Variants in ROCK2 observed in about 807,000 individuals in gnomAD.
The protein encoded by ROCK2 is Rho associated coiled-coil containing protein kinase 2.
Under a neutral mutation model 195.1 loss-of-function variants are expected in ROCK2, and 61 were observed. The ratio of observed to expected loss-of-function variants is 0.31; its 90% confidence interval spans 0.25 to 0.39. ROCK2 has a LOEUF of 0.39. Among genes scored for constraint, ROCK2 ranks in the 10% least tolerant of loss-of-function variants. The pLI is 1.00. For missense variants in ROCK2, 1,109 were observed against 1,637.4 expected (o/e 0.68, Z 5.57); for synonymous variants, 504 against 545.5 (o/e 0.92, Z 1.06).
chr2:11,260,227 C>A (rs1666176101), intron 3 of ROCK2, among the ~76,000 whole-genome samples: 1 of 150,972 alleles, frequency 6.6e-6, no homozygotes, highest in African/African-American at 2.5e-5. Context: ...GCAGGTGTAT[C>A]ATCTGAGGTC....
intron 1 of ROCK2, among the ~76,000 whole-genome samples, chr2:11,343,436 T>G (rs1412830402): frequency 6.6e-6 from 1 of 152,172 alleles, no homozygotes; most frequent in East Asian, 1.9e-4. Flanking sequence ...GGAATTAAAT[T>G]TACAGCAATT....
chr2:11,323,814 T>G (rs879420690), intron 1 of ROCK2, among the ~76,000 whole-genome samples: 4 of 152,130 alleles, frequency 2.6e-5, no homozygotes, highest in Non-Finnish European at 2.9e-5. Flanking sequence ...ATACGTTTGT[T>G]ACAACTAACA....
At chr2:11,276,094 C>A (rs1278876142) in intron 3 of ROCK2, among the ~76,000 whole-genome samples, 1 of 152,212 alleles carries the variant, frequency 6.6e-6, no homozygotes, top group African/African-American at 2.4e-5. Context: ...ATGTGAAACA[C>A]CCACGTGAAT....
In ROCK2 at chr2:11,197,197, G is replaced by C; in HGVS notation, c.3431C>G (p.Ala1144Gly). The change falls in exon 27 of 33, where the codon GCA (alanine) becomes GGA (glycine). Residue 1144 changes from alanine to glycine, a missense_variant. Ala to Gly is a moderately conservative substitution (Grantham distance 60, BLOSUM62 0). Around this residue, in one of 6 missense-constraint regions of ROCK2, gnomAD observed 221 missense variants for 355.1 expected, o/e 0.62. Coordinates refer to ENST00000315872, the MANE Select transcript of ROCK2 (RefSeq NM_004850.5). The surrounding 1 kb of genome is among the most constrained non-coding windows in gnomAD (Gnocchi z 4.9). ...SIGSGPGDAE[A>G]DDGFPESRLE... is the part of the protein sequence containing the mutation. ...ATCCATACCTGGAAACCCATCATCT[G>C]CCTCAGCATCCCCTGGTCCACTGCC... The C allele has an allele frequency of 6.2e-7, 1 of 1,603,696 alleles. No homozygotes were observed. Among genetic ancestry groups the C allele is most frequent in the African/African-American group, 1.3e-5 (1 of 74,466 alleles).
At chr2:11,295,940 G>C (rs1193134565) in intron 1 of ROCK2, among the ~76,000 whole-genome samples, 2 of 139,970 alleles carry the variant, frequency 1.4e-5, no homozygotes, top group Non-Finnish European at 3.0e-5. Context: ...CTGGGTGACA[G>C]AGCGAGATTC....
chr2:11,321,397 C>T (rs532979841), intron 1 of ROCK2, among the ~76,000 whole-genome samples: 52 of 151,498 alleles, frequency 3.4e-4, no homozygotes, highest in African/African-American at 1.2e-3. Context: ...AGGTTGCTCT[C>T]GAACTCCTGC....
At chr2:11,232,191 C>A (rs1055411857) in intron 5 of ROCK2, among the ~76,000 whole-genome samples, 1 of 151,690 alleles carries the variant, frequency 6.6e-6, no homozygotes, top group Admixed American at 6.6e-5. Flanking sequence ...TGGCCTGGCA[C>A]GATCTCGGCT....
chr2:11,233,443 C>T (rs189410468), intron 5 of ROCK2, among the ~76,000 whole-genome samples: 2 of 152,086 alleles, frequency 1.3e-5, no homozygotes, highest in South Asian at 4.1e-4. Context: ...TTCTGGAGAT[C>T]GGGCAATTCT....
chr2:11,341,500 T>C (rs530053391), intron 1 of ROCK2, among the ~76,000 whole-genome samples: 93 of 152,330 alleles, frequency 6.1e-4, no homozygotes, highest in African/African-American at 2.1e-3. Context: ...TCATAAAACT[T>C]TGTTTCCTAC....
intron 4 of ROCK2, among the ~76,000 whole-genome samples, 187 bp downstream of exon 4, chr2:11,249,474 A>G (rs1192899276): frequency 6.6e-6 from 1 of 152,274 alleles, no homozygotes; most frequent in Non-Finnish European, 1.5e-5. Flanking sequence ...AGTAAGTATT[A>G]CATGTCATAT....
chr2:11,317,821 T>C (rs960603123), intron 1 of ROCK2, among the ~76,000 whole-genome samples: 2 of 148,812 alleles, frequency 1.3e-5, no homozygotes, highest in Non-Finnish European at 3.0e-5. Flanking sequence ...TGTGTCCAAG[T>C]GTTCTCATTG....
intron 3 of ROCK2, among the ~76,000 whole-genome samples, chr2:11,252,939 TATA>T (rs199970738): frequency 0.14 from 19,391 of 143,142 alleles, 1,548 homozygotes; most frequent in African/African-American, 0.23. Context: ...AACTTAAAAG[TATA>T]ATAATAATAA....
At chr2:11,319,120 G>GT (rs1341816473) in intron 1 of ROCK2, among the ~76,000 whole-genome samples, 1 of 152,204 alleles carries the variant, frequency 6.6e-6, no homozygotes, top group Non-Finnish European at 1.5e-5. Flanking sequence ...CTTTAAAGTA[G>GT]TTTTTTCCAA....
chr2:11,214,100 C>T (rs1054712134), intron 17 of ROCK2, among the ~76,000 whole-genome samples: 25 of 151,942 alleles, frequency 1.6e-4, no homozygotes, highest in African/African-American at 5.8e-4. Context: ...TCCTTGGGTC[C>T]TAGAGAGATC....
chr2:11,188,920 C>T (rs1035453791), intron 32 of ROCK2, among the ~76,000 whole-genome samples: 1 of 151,484 alleles, frequency 6.6e-6, no homozygotes, highest in African/African-American at 2.4e-5. Flanking sequence ...TCTGTAATCC[C>T]AACTACCCAG....
intron 3 of ROCK2, among the ~76,000 whole-genome samples, chr2:11,279,656 A>G (rs578149099): frequency 6.6e-6 from 1 of 152,340 alleles, no homozygotes; most frequent in South Asian, 2.1e-4. Context: ...ATATAGTGGA[A>G]CTCAACAATA....
At chr2:11,225,986 C>T (rs1447142110) in intron 6 of ROCK2, among the ~76,000 whole-genome samples, 2 of 152,040 alleles carry the variant, frequency 1.3e-5, no homozygotes, top group Non-Finnish European at 2.9e-5. Context: ...TGCAATTTAC[C>T]GAAAATTTCT....
intron 32 of ROCK2, among the ~76,000 whole-genome samples, chr2:11,189,860 G>A (rs1199567100): frequency 6.6e-6 from 1 of 152,014 alleles, no homozygotes; most frequent in East Asian, 1.9e-4. Flanking sequence ...GTGTCATGGT[G>A]CATGTATGTG....
Position 11,233,539 on chromosome 2 carries a change from T to C in ROCK2, c.723+2163A>G, listed in dbSNP as rs115724626. On this transcript the variant is annotated intron_variant, in intron 5 of 32. Coordinates refer to ENST00000315872, the MANE Select transcript of ROCK2 (RefSeq NM_004850.5). ...TGTAAGCATATACATGGGACATATA[T>C]AAAGATGTTCAAGATAGTATTGTTG... Among the ~76,000 whole-genome samples the C allele has an allele frequency of 4.1e-3, 622 of 152,270 alleles. 6 individuals carry two copies. The highest frequency in any genetic ancestry group is 0.014 in the African/African-American group (591 of 41,542).
Sources: gnomAD v4.1 joint callset for allele counts (sites outside exome capture counted in the v4.1 genomes callset) on GRCh38, gnomAD v4.1.1 for gene constraint, gnomAD v4.1.1 regional missense constraint, Gnocchi (gnomAD v3.1) non-coding constraint, MANE v1.5 for transcripts, NCBI Gene and HGNC (gene_info 2026-07-23, HGNC 2026-07-21) for gene names.